EFCAB11: variants seen among roughly 807,000 people sequenced by gnomAD.
EFCAB11 encodes the protein EF-hand calcium-binding domain-containing protein 11.
Under a neutral mutation model 23.0 loss-of-function variants are expected in EFCAB11, and 14 were observed. The observed-to-expected ratio is 0.61, with a 90% confidence interval of 0.40 to 0.95. The LOEUF (loss-of-function observed/expected upper bound fraction) is 0.95, where lower values mean the gene tolerates loss of function less well. EFCAB11 is among the 40% of genes least tolerant of loss of function. The pLI is 0.00. For missense variants in EFCAB11, 198 were observed against 195.8 expected (o/e 1.01, Z -0.07); for synonymous variants, 65 against 66.6 (o/e 0.98, Z 0.11).
intron 5 of EFCAB11, among the ~76,000 whole-genome samples, chr14:89,845,055 T>C (rs1887389453): frequency 6.6e-6 from 1 of 152,262 alleles, no homozygotes. Context: ...ATCTGTTTTG[T>C]TGTTTTACAT....
intron 5 of EFCAB11, among the ~76,000 whole-genome samples, chr14:89,890,689 A>G (rs1006597360): frequency 3.3e-5 from 5 of 152,248 alleles, no homozygotes; most frequent in Non-Finnish European, 7.3e-5. Context: ...AAGAGCTGCC[A>G]GGCCAAATTC....
chr14:89,807,908 T>A (rs1310359261), intron 5 of EFCAB11, among the ~76,000 whole-genome samples: 2 of 152,188 alleles, frequency 1.3e-5, no homozygotes, highest in African/African-American at 4.8e-5. Context: ...TGATTATTAC[T>A]CAGGAATCAA....
In EFCAB11 at chr14:89,883,029, C is replaced by T. The variant is rs149413775; in HGVS notation, c.410+48512G>A. On this transcript the variant is annotated intron_variant, in intron 5 of 5. Transcript: ENST00000316738. ...TTTGCTTCCTCTCTTGCCGTGTGAT[C>T]TCTGCACATGCCAGCTCCCCTTTGC... is the stretch of plus-strand genomic sequence containing the variant. 3.9e-5 allele frequency among the ~76,000 whole-genome samples: 6 copies of T among 152,252 alleles called. No individual in the cohort carries two copies. The East Asian group carries it at 1.2e-3, about 29-fold the overall frequency.
At chr14:89,860,639 T>G (rs1044972042) in intron 5 of EFCAB11, among the ~76,000 whole-genome samples, 5 of 152,244 alleles carry the variant, frequency 3.3e-5, no homozygotes. Flanking sequence ...AAACATTAGT[T>G]TTGGAATCTG....
intron 5 of EFCAB11, among the ~76,000 whole-genome samples, chr14:89,910,792 A>G (rs1253659747): frequency 6.6e-6 from 1 of 152,202 alleles, no homozygotes; most frequent in Non-Finnish European, 1.5e-5. Flanking sequence ...TATTGTGGGA[A>G]GAAGCAGGAA....
rs75741907 is a variant in EFCAB11, at chr14:89,869,850, C to T, written c.410+61691G>A. ...AACAACAACTAGACCACACATCAAG[C>T]TCTCTTCGCAAGTGTGATAAGGGCT... On this transcript the variant is annotated intron_variant, in intron 5 of 5. Coordinates refer to ENST00000316738, the MANE Select transcript of EFCAB11 (RefSeq NM_145231.4). Among the ~76,000 whole-genome samples the T allele has an allele frequency of 1.7e-3, 255 of 152,316 alleles. 5 individuals are homozygous for T. The East Asian group carries it at 0.047, about 28-fold the overall frequency.
At chr14:89,871,823 G>A (rs747183645) in intron 5 of EFCAB11, among the ~76,000 whole-genome samples, 7 of 152,068 alleles carry the variant, frequency 4.6e-5, no homozygotes, top group East Asian at 1.9e-4. Context: ...TACTGACATC[G>A]TACAATCTGT....
At chr14:89,898,126 C>T (rs115059317) in intron 5 of EFCAB11, among the ~76,000 whole-genome samples, 102 of 152,264 alleles carry the variant, frequency 6.7e-4, no homozygotes, top group African/African-American at 2.3e-3. Flanking sequence ...GGAAAACACA[C>T]TGTGCCAGGG....
chr14:89,820,607 T>C (rs1232093604), intron 5 of EFCAB11, among the ~76,000 whole-genome samples: 1 of 152,062 alleles, frequency 6.6e-6, no homozygotes, highest in East Asian at 1.9e-4. Flanking sequence ...GCCCACATAA[T>C]ACAGTTAACT....
At chr14:89,880,761 G>C (rs1320076412) in intron 5 of EFCAB11, among the ~76,000 whole-genome samples, 2 of 152,166 alleles carry the variant, frequency 1.3e-5, no homozygotes, top group Non-Finnish European at 2.9e-5. Context: ...AGTCTGCTTG[G>C]TACTTATCTT....
At chr14:89,899,385 C>T (rs2140200540) in intron 5 of EFCAB11, among the ~76,000 whole-genome samples, 1 of 152,366 alleles carries the variant, frequency 6.6e-6, no homozygotes, top group East Asian at 1.9e-4. Context: ...ACCCCATTTA[C>T]ATGCTCAAGT....
At chr14:89,949,376 T>C (rs1344892178) in intron 3 of EFCAB11, among the ~76,000 whole-genome samples, 1 of 152,184 alleles carries the variant, frequency 6.6e-6, no homozygotes, top group African/African-American at 2.4e-5. Flanking sequence ...TTTATTTATT[T>C]ATTTGGAGAC....
rs755910718 is a variant in EFCAB11, at chr14:89,924,668, G to A, written c.410+6873C>T. 1.4e-5 allele frequency: 21 copies of A among 1,535,698 alleles called. No homozygotes were observed. In the South Asian group the frequency reaches 2.5e-4, roughly 18 times the overall value. On this transcript the variant is annotated intron_variant, in intron 5 of 5. Coordinates refer to ENST00000316738, the MANE Select transcript of EFCAB11 (RefSeq NM_145231.4). ...GACAGCCGAAGTTAAATCATGCACT[G>A]AAAATGCCTCTGAAATAAAGCAAAA... is the stretch of plus-strand genomic sequence containing the variant.
intron 3 of EFCAB11, among the ~76,000 whole-genome samples, chr14:89,933,924 T>A (rs1297615447): frequency 6.6e-6 from 1 of 152,166 alleles, no homozygotes; most frequent in African/African-American, 2.4e-5. Flanking sequence ...CAATACCAAC[T>A]GCCTAATGTT....
At chr14:89,950,213 C>G (rs1214872495) in intron 2 of EFCAB11, 71 bp from the exon 3 acceptor site, 1 of 1,446,968 alleles carries the variant, frequency 6.9e-7, no homozygotes, top group Admixed American at 2.3e-5. Flanking sequence ...CTTAATTCTT[C>G]AGGTGGGAAT....
intron 5 of EFCAB11, 69 bp from the exon 6 acceptor site, chr14:89,797,393 G>T (rs1042501640): frequency 2.1e-6 from 3 of 1,399,256 alleles, no homozygotes; most frequent in African/African-American, 2.9e-5. Context: ...GAGCACATTA[G>T]AATCTTTATT....
chr14:89,828,131 G>A (rs1460997800), intron 5 of EFCAB11, among the ~76,000 whole-genome samples: 4 of 152,006 alleles, frequency 2.6e-5, no homozygotes, highest in Non-Finnish European at 5.9e-5. Flanking sequence ...TATAATAGGT[G>A]TGTTTTTTCA....
rs376936432 is a variant in EFCAB11 at position 89,846,335 on chromosome 14, A to G, written c.411-49011T>C. Among the ~76,000 whole-genome samples the G allele has an allele frequency of 3.9e-4, 60 of 152,364 alleles. No homozygotes were observed. In the South Asian group the frequency reaches 0.012, roughly 29 times the overall value. On this transcript the variant is annotated intron_variant, in intron 5 of 5. Transcript: ENST00000316738. ...ATTCTATCAGATTTCTTGGACACCAATGAAAGAACGTCACTAACCATGAAG... is the reference window on the plus strand; with the variant it reads ...ATTCTATCAGATTTCTTGGACACCAGTGAAAGAACGTCACTAACCATGAAG...
intron 5 of EFCAB11, among the ~76,000 whole-genome samples, chr14:89,867,259 C>T (rs780072450): frequency 1.3e-5 from 2 of 152,170 alleles, no homozygotes; most frequent in Non-Finnish European, 2.9e-5. Context: ...GCGACCCTGC[C>T]TTATATAGGC....
Sources: gnomAD v4.1 joint callset for allele counts (sites outside exome capture counted in the v4.1 genomes callset) on GRCh38, gnomAD v4.1.1 for gene constraint, MANE v1.5 for transcripts, NCBI Gene and HGNC (gene_info 2026-07-23, HGNC 2026-07-21) for gene names.